The following EVI5 variants were observed in gnomAD, a reference collection of about 807,000 sequenced individuals.
EVI5 encodes ecotropic viral integration site 5 protein homolog.
EVI5 carries 73 observed loss-of-function variants against 112.0 expected under a neutral mutation model. The ratio of observed to expected loss-of-function variants is 0.65; its 90% CI spans 0.54 to 0.79. The LOEUF is 0.79. Ranked by LOEUF, EVI5 falls within the 30% of genes least tolerant of loss-of-function variation. The pLI, the probability that EVI5 is intolerant of heterozygous loss-of-function variation, is 0.00. For synonymous variants in EVI5, 305 were observed against 319.9 expected, an observed-to-expected ratio of 0.95 and a Z score of 0.50; for missense variants, 900 against 968.8, an observed-to-expected ratio of 0.93 and a Z score of 0.94.
chr1:92,719,056 C>A (rs535098207), intron 2 of EVI5, among the ~76,000 whole-genome samples: 4 of 151,926 alleles, frequency 2.6e-5, no homozygotes, highest in East Asian at 3.9e-4. Flanking sequence ...ATAATTAATA[C>A]CCTACCAACG....
intron 18 of EVI5, among the ~76,000 whole-genome samples, chr1:92,590,307 G>A (rs7368374): frequency 0.92 from 140,235 of 152,224 alleles, 64,687 homozygotes; most frequent in East Asian, 0.97. Context: ...TCAGACGATC[G>A]AACTACTCCG....
intron 18 of EVI5, among the ~76,000 whole-genome samples, chr1:92,604,328 C>G (rs1649872343): frequency 6.6e-6 from 1 of 150,928 alleles, no homozygotes; most frequent in East Asian, 2.0e-4. Context: ...AAACTCCGGT[C>G]TGGGCAACAG....
intron 9 of EVI5, among the ~76,000 whole-genome samples, chr1:92,681,970 T>C (rs6604003): frequency 0.92 from 140,078 of 152,166 alleles, 64,564 homozygotes; most frequent in East Asian, 0.97. Flanking sequence ...ACAGTCCCAT[T>C]GGTTTTCCTC....
At chr1:92,723,735 G>C (rs1675115096) in intron 2 of EVI5, among the ~76,000 whole-genome samples, 1 of 152,192 alleles carries the variant, frequency 6.6e-6, no homozygotes, top group Non-Finnish European at 1.5e-5. Flanking sequence ...CATAAGGTCT[G>C]ACTGCTTGCG....
At chr1:92,536,923 GAATT>G (rs574034015) in intron 19 of EVI5, among the ~76,000 whole-genome samples, 35 of 152,022 alleles carry the variant, frequency 2.3e-4, no homozygotes, top group Non-Finnish European at 4.3e-4. Context: ...TGGGGTAATG[GAATT>G]AATAATACAA....
At chr1:92,782,584 CA>C (rs1685002861) in intron 1 of EVI5, among the ~76,000 whole-genome samples, 1 of 151,890 alleles carries the variant, frequency 6.6e-6, no homozygotes, top group Non-Finnish European at 1.5e-5. Flanking sequence ...ACTAGACTAG[CA>C]AAAAAAATTT....
At chr1:92,717,093 C>G (rs1405451368) in intron 2 of EVI5, among the ~76,000 whole-genome samples, 1 of 152,122 alleles carries the variant, frequency 6.6e-6, no homozygotes, top group Admixed American at 6.5e-5. Flanking sequence ...CCTTAAATGA[C>G]TTGATGGAGC....
chr1:92,625,803 T>C lies in EVI5; in HGVS notation c.1659A>G (p.Glu553=), dbSNP rs1485323855. 2 of 1,611,978 alleles carry C rather than the reference T, an allele frequency of 1.2e-6. No homozygotes were observed. Among genetic ancestry groups the C allele is most frequent in the Admixed American group, 1.7e-5 (1 of 59,552 alleles). ...ELRQQVKDLE[E]HWQRHLARTT... ...AAATATATTAATATACCTGCCAGTG[T>C]TCCTCTAAATCCTTGACTTGCTGTC... The change falls in exon 15 of 20, where the codon GAA becomes GAG. Residue 553 remains glutamate, a synonymous_variant. Coordinates refer to ENST00000684568, the MANE Select transcript of EVI5 (RefSeq NM_001350197.2).
intron 2 of EVI5, among the ~76,000 whole-genome samples, chr1:92,730,683 CAAAAAAAAAAA>C (rs1226099468): frequency 5.0e-5 from 3 of 59,738 alleles, no homozygotes; most frequent in Non-Finnish European, 1.1e-4. Flanking sequence ...CCTTCTCTCA[CAAAAAAAAAAA>C]AAAAAAAAAG....
chr1:92,563,529 T>G (rs1571564642), intron 19 of EVI5, 113 bp downstream of exon 19: 1 of 528,296 alleles, frequency 1.9e-6, no homozygotes, highest in East Asian at 2.9e-5. Flanking sequence ...TAACCAATAA[T>G]TCACAGAAGA....
chr1:92,562,283 A>G lies in EVI5; in HGVS notation c.2166+1359T>C, dbSNP rs1206229737. On this transcript the variant is annotated intron_variant, in intron 19 of 19. Coordinates refer to ENST00000684568, the MANE Select transcript of EVI5 (RefSeq NM_001350197.2). ...AGTGGCTCATGCCTGTAATCCCAGC[A>G]CTTTGGGAGGCTGAGACGGGCGGAT... Among the ~76,000 whole-genome samples the G allele has an allele frequency of 2.0e-5, 3 of 152,284 alleles. No homozygotes were observed. The East Asian group carries it at 5.8e-4, about 29-fold the overall frequency.
In EVI5 at chr1:92,694,367, C is replaced by T. The variant is rs201580469; in HGVS notation, c.931G>A (p.Val311Ile). The change falls in exon 8 of 20, where the codon GTA becomes ATA. Residue 311 changes from valine (V) to isoleucine (I), a missense_variant. Coordinates refer to ENST00000684568, the MANE Select transcript of EVI5 (RefSeq NM_001350197.2). ...MSEGLEIVFR[V>I]GLALLQMNQA... is the part of the protein sequence containing the mutation. ...TTCATCTGAAGAAGTGCTAATCCTA[C>T]ACGAAACACTATTTCTAAACCCTGA... 2 of 1,599,156 alleles carry T rather than the reference C, an allele frequency of 1.3e-6. No individual in the cohort carries two copies. The highest frequency in any genetic ancestry group is 1.7e-6 in the Non-Finnish European group (2 of 1,169,372).
chr1:92,756,279 T>C (rs1334552329), intron 1 of EVI5: 4 of 455,190 alleles, frequency 8.8e-6, no homozygotes, highest in African/African-American at 4.1e-5. Context: ...CTCTCTGAAG[T>C]AGTACACAAA....
At position 92,510,804 on chromosome 1, in the gene EVI5, T is replaced by G. The variant is rs1659143045; in HGVS notation, c.*2852A>C. On this transcript the variant is annotated 3_prime_UTR_variant, in exon 20 of 20. Transcript: ENST00000684568. ...TCATGTGACACAAAATATCAGTCTT[T>G]GGAATTTTTTTCCCAACTATTTAAA... 1 of 152,360 alleles carries G rather than the reference T, an allele frequency of 6.6e-6. No homozygotes were observed. The highest frequency in any genetic ancestry group is 1.9e-4 in the East Asian group (1 of 5,192). The allele number at this position is 152,360 out of a possible 1,614,324, so 9.4% of individuals were successfully genotyped here.
intron 19 of EVI5, among the ~76,000 whole-genome samples, chr1:92,515,934 T>C (rs1485347202): frequency 1.3e-5 from 2 of 152,158 alleles, no homozygotes; most frequent in African/African-American, 2.4e-5. Context: ...CTAGACCAAG[T>C]GGACAAATTT....
chr1:92,516,283 C>T (rs965207359), intron 19 of EVI5, among the ~76,000 whole-genome samples: 2 of 152,132 alleles, frequency 1.3e-5, no homozygotes, highest in African/African-American at 4.8e-5. Context: ...CCACAACTTC[C>T]CAACTGTTTG....
At chr1:92,617,756 T>C (rs1291199918) in intron 16 of EVI5, among the ~76,000 whole-genome samples, 1 of 152,194 alleles carries the variant, frequency 6.6e-6, no homozygotes, top group East Asian at 1.9e-4. Flanking sequence ...GTTGATTATA[T>C]TGGACCTTTT....
intron 13 of EVI5, among the ~76,000 whole-genome samples, chr1:92,656,580 C>T (rs1254649872): frequency 6.6e-6 from 1 of 151,432 alleles, no homozygotes; most frequent in Non-Finnish European, 1.5e-5. Flanking sequence ...ACAAAATATA[C>T]TAAGGATCAA....
At chr1:92,638,344 C>T (rs1659293185) in intron 13 of EVI5, among the ~76,000 whole-genome samples, 1 of 152,130 alleles carries the variant, frequency 6.6e-6, no homozygotes, top group Admixed American at 6.5e-5. Context: ...TTTTTATACT[C>T]TAAAACATAT....
Sources: allele counts gnomAD v4.1 joint callset (sites outside exome capture counted in the v4.1 genomes callset), GRCh38; gene constraint gnomAD v4.1.1; transcripts MANE v1.5; gene names NCBI Gene and HGNC (gene_info 2026-07-23, HGNC 2026-07-21).